Variants in CCDC144A observed in about 807,000 individuals in gnomAD.
CCDC144A encodes the protein coiled-coil domain containing 144A.
CCDC144A carries 41 observed loss-of-function variants against 143.8 expected under a neutral mutation model. That is an observed-to-expected ratio of 0.29 (90% CI 0.22 to 0.37). The LOEUF is 0.37. Among genes scored for constraint, CCDC144A ranks in the 10% least tolerant of loss-of-function variants. CCDC144A has a pLI of 1.00. For synonymous variants in CCDC144A, 242 were observed against 517.9 expected, an observed-to-expected ratio of 0.47 and a Z score of 7.23; for missense variants, 637 against 1,488.8, an observed-to-expected ratio of 0.43 and a Z score of 9.41.
In CCDC144A at chr17:16,753,321, GACTGCTTTCA is replaced by G. The variant is rs533006121; in HGVS notation, c.3373-8103_3373-8094del. On this transcript the variant is annotated intron_variant, in intron 12 of 16. Coordinates refer to ENST00000399273, the MANE Select transcript of CCDC144A (RefSeq NM_001382000.1). ...TAATAGAGCTTGCGTTCAGTCTGTA[GACTGCTTTCA>G]GTAATAAGGTCATTTAACCAATATT... Among the ~76,000 whole-genome samples the G allele has an allele frequency of 5.4e-3, 820 of 151,662 alleles. 4 individuals are homozygous for G. The highest frequency in any genetic ancestry group is 0.019 in the African/African-American group (780 of 41,310).
At position 16,709,531 on chromosome 17, in the gene CCDC144A, C is replaced by A. The variant is rs1912268081; in HGVS notation, c.1474C>A (p.His492Asn). Residue 492 changes from histidine to asparagine, a missense_variant, in exon 5 of 17, where the codon CAT becomes AAT. Coordinates refer to ENST00000399273, the MANE Select transcript of CCDC144A (RefSeq NM_001382000.1). ...DSDRTSEVYLHEELQQDMQKF... is the reference protein window; with the variant it reads ...DSDRTSEVYLNEELQQDMQKF... ...TGACAGAACATCAGAAGTATATCTACATGAAGAATTACAGCAAGACATGCA... is the reference window on the plus strand; with the variant it reads ...TGACAGAACATCAGAAGTATATCTAAATGAAGAATTACAGCAAGACATGCA... 6.2e-7 allele frequency: 1 copy of A among 1,611,456 alleles called. No individual in the cohort carries two copies. The highest frequency in any genetic ancestry group is 1.3e-5 in the African/African-American group (1 of 74,824).
intron 12 of CCDC144A, among the ~76,000 whole-genome samples, chr17:16,744,778 C>CG (rs1567603113): frequency 1.3e-5 from 2 of 151,176 alleles, no homozygotes; most frequent in African/African-American, 4.9e-5. Flanking sequence ...TGGTTAAAAT[C>CG]GCAGTGCCAA....
chr17:16,726,480 A>G (rs1913433234), intron 8 of CCDC144A, among the ~76,000 whole-genome samples: 1 of 150,670 alleles, frequency 6.6e-6, no homozygotes, highest in African/African-American at 2.5e-5. Context: ...GTTCCATATG[A>G]ACAGCTTGAT....
intron 6 of CCDC144A, among the ~76,000 whole-genome samples, chr17:16,718,001 A>G (rs943267527): frequency 6.6e-6 from 1 of 152,228 alleles, no homozygotes; most frequent in Non-Finnish European, 1.5e-5. Flanking sequence ...TAAGTGAAAT[A>G]GATGAGGTTG....
At chr17:16,671,204 A>G in the CCDC144A span, among the ~76,000 whole-genome samples, 1 of 152,034 alleles carries the variant, frequency 6.6e-6, no homozygotes, top group Non-Finnish European at 1.5e-5. Context: ...GTTGGTCTCA[A>G]ACTCATGACC....
intron 2 of CCDC144A, among the ~76,000 whole-genome samples, 156 bp from the exon 3 acceptor site, chr17:16,704,995 A>G (rs1224712167): frequency 6.6e-6 from 1 of 152,222 alleles, no homozygotes; most frequent in East Asian, 1.9e-4. Flanking sequence ...TTGTAAGCAT[A>G]GGACATGTAA....
At chr17:16,746,860 C>T (rs1389396197) in intron 12 of CCDC144A, 5 of 744,940 alleles carry the variant, frequency 6.7e-6, no homozygotes, top group South Asian at 3.1e-5. Context: ...CCGCCCCTCC[C>T]TCCTCTCCCT....
Position 16,774,563 on chromosome 17 carries a change from G to C in CCDC144A, c.*930G>C, listed in dbSNP as rs1411855074. ...AATAATACAGAATGTCCCTCCATTG[G>C]ATTTCTCTGAACTTTTTTTATGATA... On this transcript the variant is annotated 3_prime_UTR_variant, in exon 17 of 17. Coordinates refer to ENST00000399273, the MANE Select transcript of CCDC144A (RefSeq NM_001382000.1). 1 of 139,006 alleles carries C rather than the reference G, an allele frequency of 7.2e-6. No homozygotes were observed. Among genetic ancestry groups the C allele is most frequent in the Non-Finnish European group, 1.5e-5 (1 of 66,482 alleles). 8.6% of individuals were successfully genotyped at this position (139,006 alleles called of 1,614,324 possible). A position where few individuals can be genotyped will look rare whatever the true frequency, so the allele number is the denominator to read the frequency against.
chr17:16,723,889 C>G (rs566725488), intron 8 of CCDC144A, among the ~76,000 whole-genome samples: 1 of 152,006 alleles, frequency 6.6e-6, no homozygotes, highest in African/African-American at 2.4e-5. Context: ...TTAATTTGTT[C>G]TTCTTCTTTT....
intron 3 of CCDC144A, 64 bp from the exon 4 acceptor site, chr17:16,707,405 T>G: frequency 1.2e-6 from 1 of 854,652 alleles, no homozygotes; most frequent in Non-Finnish European, 1.8e-6. Context: ...AATCTATTTT[T>G]ATAAAGACTA....
At chr17:16,688,926 TCTC>T (rs1385073514), upstream of CCDC144A, among the ~76,000 whole-genome samples, 1 of 152,180 alleles carries the variant, frequency 6.6e-6, no homozygotes, top group Non-Finnish European at 1.5e-5. Context: ...TGAGCTCCCA[TCTC>T]CTCGGCTGCA....
chr17:16,688,574 C>T (rs1370428249), upstream of CCDC144A, among the ~76,000 whole-genome samples: 5 of 146,146 alleles, frequency 3.4e-5, no homozygotes, highest in African/African-American at 1.3e-4. Context: ...CTGCAACCTC[C>T]ACCTCCTGGG....
intron 12 of CCDC144A, among the ~76,000 whole-genome samples, chr17:16,749,589 G>A (rs540308530): frequency 6.6e-6 from 1 of 152,358 alleles, no homozygotes; most frequent in African/African-American, 2.4e-5. Context: ...GTATTCTGTA[G>A]ATGTCTGTTA....
chr17:16,746,819 G>A (rs1914549385), intron 12 of CCDC144A: 2 of 1,253,648 alleles, frequency 1.6e-6, no homozygotes, highest in South Asian at 1.3e-5. Context: ...AGCTCAAAAG[G>A]CACCGCGTAC....
Position 16,690,641 on chromosome 17 carries a change from C to A in CCDC144A, c.241C>A (p.Leu81Ile). 6.2e-7 allele frequency: 1 copy of A among 1,613,846 alleles called. No individual in the cohort carries two copies. Among genetic ancestry groups the A allele is most frequent in the Non-Finnish European group, 8.5e-7 (1 of 1,179,872 alleles). ...CCAGCACGACGTCCGCCTGGAAGAT[C>A]TTGGCGAGCTCCACAGAGCTGCCCG... is the stretch of plus-strand genomic sequence containing the variant. ...QPQHDVRLED[L>I]GELHRAARSG... Residue 81 changes from leucine (L) to isoleucine (I), a missense_variant, in exon 1 of 17, where the codon CTT (leucine) becomes ATT (isoleucine). Transcript: ENST00000399273.
At chr17:16,768,670 C>T (rs1311878090) in intron 15 of CCDC144A, among the ~76,000 whole-genome samples, 3 of 152,142 alleles carry the variant, frequency 2.0e-5, no homozygotes, top group Non-Finnish European at 4.4e-5. Context: ...TTTATTGGCT[C>T]CTTATTTTCC....
Position 16,771,920 on chromosome 17 carries a change from C to G in CCDC144A, c.4099-57C>G, listed in dbSNP as rs542136004. The G allele has an allele frequency of 1.2e-4, 167 of 1,398,704 alleles. 2 individuals are homozygous for G. In the South Asian group the frequency reaches 2.1e-3, roughly 18 times the overall value. The allele number at this position is 1,398,704 out of a possible 1,614,324, so 86.6% of individuals were successfully genotyped here. On this transcript the variant is annotated intron_variant, in intron 15 of 16. Coordinates refer to ENST00000399273, the MANE Select transcript of CCDC144A (RefSeq NM_001382000.1). The stretch of plus-strand genomic sequence containing the variant: ...AAGGCCGCATTTTGTAATTAATGCT[C>G]CTTACCATGATAATGTATCTTCTTA...
At chr17:16,678,786 C>CTTTTTTTTTT in the CCDC144A span, among the ~76,000 whole-genome samples, 1 of 114,736 alleles carries the variant, frequency 8.7e-6, no homozygotes, top group Non-Finnish European at 1.7e-5. Context: ...CGGAGTTTTG[C>CTTTTTTTTTT]TCTTGTCGCC....
the CCDC144A span, among the ~76,000 whole-genome samples, chr17:16,680,058 T>C: frequency 6.6e-6 from 1 of 152,062 alleles, no homozygotes; most frequent in Non-Finnish European, 1.5e-5. Flanking sequence ...TGGGTTTATA[T>C]GGTGTTAACA....
Sources: gnomAD v4.1 joint callset for allele counts (sites outside exome capture counted in the v4.1 genomes callset) on GRCh38, gnomAD v4.1.1 for gene constraint, MANE v1.5 for transcripts, NCBI Gene and HGNC (gene_info 2026-07-23, HGNC 2026-07-21) for gene names.